RBMS3: variants seen among roughly 807,000 people sequenced by gnomAD.
The protein encoded by RBMS3 is RNA-binding motif, single-stranded-interacting protein 3.
Under a neutral mutation model 66.8 loss-of-function variants are expected in RBMS3, and 27 were observed. The observed-to-expected ratio is 0.40, with a 90% CI of 0.30 to 0.56. RBMS3 has a LOEUF of 0.56. Ranked by LOEUF, RBMS3 falls within the 20% of genes least tolerant of loss-of-function variation. The pLI is 0.40. For missense variants in RBMS3, 513 were observed against 549.5 expected, an observed-to-expected ratio of 0.93 and a Z score of 0.66; for synonymous variants, 188 against 183.0, an observed-to-expected ratio of 1.03 and a Z score of -0.22.
intron 3 of RBMS3, among the ~76,000 whole-genome samples, chr3:29,578,206 T>C (rs1489892701): frequency 6.6e-6 from 1 of 152,182 alleles, no homozygotes; most frequent in Non-Finnish European, 1.5e-5. Context: ...GGTAGGACCA[T>C]CAGAAGGAAT....
intron 4 of RBMS3, among the ~76,000 whole-genome samples, chr3:29,637,358 C>T (rs1440508): frequency 0.079 from 11,918 of 151,714 alleles, 822 homozygotes; most frequent in East Asian, 0.35. Flanking sequence ...CCACCACCTC[C>T]GAAAGATGCA....
At chr3:29,910,446 A>G (rs2060487693) in intron 10 of RBMS3, among the ~76,000 whole-genome samples, 1 of 152,140 alleles carries the variant, frequency 6.6e-6, no homozygotes, top group African/African-American at 2.4e-5. Flanking sequence ...ATAGATGATC[A>G]GAAACGGGTT....
At chr3:29,825,781 C>T (rs527393138) in intron 6 of RBMS3, among the ~76,000 whole-genome samples, 1 of 152,266 alleles carries the variant, frequency 6.6e-6, no homozygotes, top group South Asian at 2.1e-4. Flanking sequence ...ATTCAAATCC[C>T]AGCTCTGCCA....
At chr3:29,457,260 C>G (rs2042222029) in intron 2 of RBMS3, among the ~76,000 whole-genome samples, 1 of 152,154 alleles carries the variant, frequency 6.6e-6, no homozygotes, top group Non-Finnish European at 1.5e-5. Flanking sequence ...CTCATCCTTC[C>G]TTTGACTACC....
At chr3:29,873,367 C>G (rs2059537057) in intron 7 of RBMS3, among the ~76,000 whole-genome samples, 1 of 152,044 alleles carries the variant, frequency 6.6e-6, no homozygotes, top group African/African-American at 2.4e-5. Flanking sequence ...ATGGGATTGC[C>G]TTCCTGATTT....
At chr3:29,828,646 G>C (rs2058271419) in intron 6 of RBMS3, among the ~76,000 whole-genome samples, 1 of 152,112 alleles carries the variant, frequency 6.6e-6, no homozygotes, top group Admixed American at 6.6e-5. Flanking sequence ...TTACAATTAT[G>C]AATTTCACAT....
chr3:29,890,772 C>T (rs1430827008), intron 8 of RBMS3, among the ~76,000 whole-genome samples: 1 of 151,390 alleles, frequency 6.6e-6, no homozygotes, highest in African/African-American at 2.4e-5. Flanking sequence ...TGAAGGAGTA[C>T]ACAAGAAAGC....
chr3:29,657,310 C>T (rs188073835), intron 4 of RBMS3, among the ~76,000 whole-genome samples: 262 of 152,354 alleles, frequency 1.7e-3, no homozygotes, highest in Middle Eastern at 3.4e-3. Flanking sequence ...TGCAGCTCTG[C>T]AGCTATTATA....
intron 1 of RBMS3, among the ~76,000 whole-genome samples, chr3:29,356,406 A>G (rs1291648034): frequency 6.6e-6 from 1 of 152,160 alleles, no homozygotes; most frequent in Non-Finnish European, 1.5e-5. Flanking sequence ...ATAATAATGA[A>G]TATTTTCTTA....
chr3:29,584,176 GCTCAAACT>G (rs2047429019), intron 3 of RBMS3, among the ~76,000 whole-genome samples: 1 of 152,038 alleles, frequency 6.6e-6, no homozygotes, highest in Admixed American at 6.6e-5. Flanking sequence ...CTATCTTCTT[GCTCAAACT>G]CTCAGTAGCA....
At chr3:29,849,687 A>C (rs1252951837) in intron 6 of RBMS3, among the ~76,000 whole-genome samples, 1 of 152,190 alleles carries the variant, frequency 6.6e-6, no homozygotes, top group Non-Finnish European at 1.5e-5. Context: ...ATAATGTTAA[A>C]AGAACAAAAT....
chr3:29,370,476 AC>A (rs1302311460), intron 1 of RBMS3, among the ~76,000 whole-genome samples: 1 of 152,140 alleles, frequency 6.6e-6, no homozygotes, highest in East Asian at 1.9e-4. Context: ...AACTATGCAC[AC>A]CCTTTAGATT....
At chr3:29,898,241 C>T (rs1482595126) in intron 9 of RBMS3, among the ~76,000 whole-genome samples, 1 of 151,616 alleles carries the variant, frequency 6.6e-6, no homozygotes, top group Admixed American at 6.6e-5. Flanking sequence ...TCTTCCAATT[C>T]TAATTAGAAA....
At chr3:29,585,525 T>A (rs2047488118) in intron 3 of RBMS3, among the ~76,000 whole-genome samples, 1 of 152,120 alleles carries the variant, frequency 6.6e-6, no homozygotes, top group Non-Finnish European at 1.5e-5. Context: ...CTAACCTCAG[T>A]TTCTTCATGT....
chr3:29,403,712 C>T (rs747188933), intron 1 of RBMS3, among the ~76,000 whole-genome samples: 13 of 151,984 alleles, frequency 8.6e-5, no homozygotes, highest in Non-Finnish European at 1.3e-4. Flanking sequence ...TCCTTCTTTT[C>T]TTTTCTGTCA....
chr3:29,559,510 C>CAAAAAAAAAAAAAAA lies in RBMS3; in HGVS notation c.308-27575_308-27561dup, dbSNP rs553520590. Among the ~76,000 whole-genome samples the CAAAAAAAAAAAAAAA allele has an allele frequency of 5.1e-4, 21 of 41,336 alleles. 1 individual carries two copies. Among genetic ancestry groups the CAAAAAAAAAAAAAAA allele is most frequent in the African/African-American group, 1.2e-3 (16 of 13,394 alleles). 27.1% of individuals were successfully genotyped at this position (41,336 alleles called of 152,430 possible). On this transcript the variant is annotated intron_variant, in intron 3 of 14. Transcript: ENST00000383767. ...TGGGTGACAGAGGAAGACTCTGTCT[C>CAAAAAAAAAAAAAAA]AAAAAAAAAAAAAAAAAAAAAAAAA...
chr3:29,382,282 C>T (rs886252133), intron 1 of RBMS3, among the ~76,000 whole-genome samples: 42 of 152,290 alleles, frequency 2.8e-4, no homozygotes, highest in African/African-American at 8.4e-4. Context: ...CTAACATCTT[C>T]CTTGGGCAGT....
chr3:29,470,640 T>C (rs1431399749), intron 2 of RBMS3, among the ~76,000 whole-genome samples: 1 of 152,010 alleles, frequency 6.6e-6, no homozygotes, highest in African/African-American at 2.4e-5. Context: ...AATTATAAAA[T>C]AACCAGTAGA....
At chr3:29,281,876 T>G in intron 1 of RBMS3, 120 bp downstream of exon 1, 2 of 779,126 alleles carry the variant, frequency 2.6e-6, no homozygotes, top group Non-Finnish European at 4.1e-6. Flanking sequence ...CCTGCTTCTT[T>G]GAAATTAGTG....
Sources: gnomAD v4.1 joint callset for allele counts (sites outside exome capture counted in the v4.1 genomes callset) on GRCh38, gnomAD v4.1.1 for gene constraint, MANE v1.5 for transcripts, NCBI Gene and HGNC (gene_info 2026-07-23, HGNC 2026-07-21) for gene names.